The following PRDM14 variants were observed in gnomAD, a reference collection of about 807,000 sequenced individuals.
PRDM14 encodes the protein PR/SET domain 14, also known as PR domain zinc finger protein 14.
A neutral mutation model predicts 48.0 loss-of-function variants in PRDM14; 16 were observed. That is an observed-to-expected ratio of 0.33 (90% CI 0.23 to 0.51). The LOEUF is 0.51. Among genes scored for constraint, PRDM14 ranks in the 20% least tolerant of loss-of-function variants. The pLI, the probability that PRDM14 is intolerant of heterozygous loss-of-function variation, is 0.97. For synonymous variants in PRDM14, 264 were observed against 276.6 expected (o/e 0.95, Z 0.45); for missense variants, 566 against 719.6 (o/e 0.79, Z 2.44).
At chr8:70,064,295 G>T (rs1489001714) in intron 5 of PRDM14, among the ~76,000 whole-genome samples, 1 of 151,532 alleles carries the variant, frequency 6.6e-6, no homozygotes, top group Non-Finnish European at 1.5e-5. Flanking sequence ...ACATTTCCTT[G>T]CCTTCTGCTT....
Position 70,069,199 on chromosome 8 carries a change from T to C in PRDM14, c.662A>G (p.His221Arg). 6.6e-7 allele frequency: 1 copy of C among 1,524,816 alleles called. No individual in the cohort carries two copies. Among genetic ancestry groups the C allele is most frequent in the Non-Finnish European group, 8.8e-7 (1 of 1,136,690 alleles). The allele number at this position is 1,524,816 out of a possible 1,614,324, so 94.5% of individuals were successfully genotyped here. The change falls in exon 2 of 8, where the codon CAT becomes CGT. Residue 221 changes from histidine (H) to arginine (R), a missense_variant. His to Arg is a conservative substitution (Grantham distance 29). Coordinates refer to ENST00000276594, the MANE Select transcript of PRDM14 (RefSeq NM_024504.4). ...PSLEHPASLH[H>R]AISGLLVPPD... Reference sequence around the variant, plus strand: ...GGGGACCAGGAGGCCTGAAATCGCATGGTGCAGGCTGGCTGGGTGCTCCAG... The same window carrying C: ...GGGGACCAGGAGGCCTGAAATCGCACGGTGCAGGCTGGCTGGGTGCTCCAG...
At chr8:70,067,492 T>C (rs778720046) in intron 4 of PRDM14, among the ~76,000 whole-genome samples, 1 of 142,728 alleles carries the variant, frequency 7.0e-6, no homozygotes, top group Non-Finnish European at 1.5e-5. Context: ...CACTCCAACC[T>C]GGGTAACAGA....
chr8:70,069,921 G>T, intron 1 of PRDM14, 37 bp from the exon 2 acceptor site: 1 of 1,333,350 alleles, frequency 7.5e-7, no homozygotes. Context: ...ACACCGCGCG[G>T]GAGCTTCCCG....
intron 4 of PRDM14, 119 bp downstream of exon 4, chr8:70,068,111 T>G: frequency 1.8e-6 from 2 of 1,129,092 alleles, no homozygotes; most frequent in Non-Finnish European, 2.6e-6. Flanking sequence ...ACCACAGATA[T>G]CTGCCCTGGA....
In PRDM14 at chr8:70,064,949, C is replaced by T. The variant is rs572920738; in HGVS notation, c.1183+1286G>A. Reference sequence around the variant, plus strand: ...TTGCCCAGGCTGGAGTGCAGTGGTGCGGTCTTGGCATATTGCAACCTCTGT... The same window carrying T: ...TTGCCCAGGCTGGAGTGCAGTGGTGTGGTCTTGGCATATTGCAACCTCTGT... On this transcript the variant is annotated intron_variant, in intron 5 of 7. Transcript: ENST00000276594. Among the ~76,000 whole-genome samples, 243 of 150,174 alleles carry T rather than the reference C, an allele frequency of 1.6e-3. 2 individuals are homozygous for T. Among genetic ancestry groups the T allele is most frequent in the African/African-American group, 5.4e-3 (221 of 40,762 alleles).
intron 5 of PRDM14, among the ~76,000 whole-genome samples, chr8:70,062,159 T>C (rs963578520): frequency 3.3e-5 from 5 of 152,236 alleles, no homozygotes; most frequent in African/African-American, 1.2e-4. Context: ...ATATATGTCC[T>C]CATAATAATG....
intron 7 of PRDM14, among the ~76,000 whole-genome samples, chr8:70,053,899 C>T (rs528297230): frequency 3.7e-4 from 57 of 152,306 alleles, no homozygotes; most frequent in Non-Finnish European, 6.5e-4. Flanking sequence ...TGCTTTCCAA[C>T]AGGACTTGCT....
At chr8:70,058,388 G>A (rs991551242) in intron 6 of PRDM14, among the ~76,000 whole-genome samples, 4 of 152,124 alleles carry the variant, frequency 2.6e-5, no homozygotes, top group East Asian at 1.9e-4. Context: ...CATAATCCAC[G>A]TGTCCAGGTG....
chr8:70,055,846 G>T (rs994536718), intron 6 of PRDM14, among the ~76,000 whole-genome samples: 1 of 152,102 alleles, frequency 6.6e-6, no homozygotes, highest in Non-Finnish European at 1.5e-5. Flanking sequence ...AACTGAACAG[G>T]TTTGTGGTAT....
intron 5 of PRDM14, among the ~76,000 whole-genome samples, chr8:70,065,813 TG>T (rs1805658615): frequency 6.6e-6 from 1 of 152,026 alleles, no homozygotes; most frequent in South Asian, 2.1e-4. Flanking sequence ...ACCACTAAAT[TG>T]ATTTCCCACC....
intron 5 of PRDM14, among the ~76,000 whole-genome samples, chr8:70,061,490 C>A (rs955035969): frequency 7.9e-5 from 12 of 152,166 alleles, no homozygotes; most frequent in African/African-American, 2.7e-4. Flanking sequence ...ACTGCCAGCC[C>A]CAAGCTGATC....
chr8:70,054,021 C>G (rs1439717965), intron 7 of PRDM14, among the ~76,000 whole-genome samples: 3 of 152,206 alleles, frequency 2.0e-5, no homozygotes, highest in African/African-American at 7.2e-5. Flanking sequence ...CGGAATTTTT[C>G]AACTTTACTT....
In PRDM14 at chr8:70,051,916, C is replaced by T. The variant is rs1449274360; in HGVS notation, c.*161G>A. The stretch of plus-strand genomic sequence containing the variant: ...CCTCCTGAGTGGCTGGAACCACAGG[C>T]ATGTGCCACCACCCCCAGCTGATTT... On this transcript the variant is annotated 3_prime_UTR_variant, in exon 8 of 8. Coordinates refer to ENST00000276594, the MANE Select transcript of PRDM14 (RefSeq NM_024504.4). 2 of 564,166 alleles carry T rather than the reference C, an allele frequency of 3.5e-6. No individual in the cohort carries two copies. Among genetic ancestry groups the T allele is most frequent in the African/African-American group, 1.9e-5 (1 of 53,328 alleles). 34.9% of individuals were successfully genotyped at this position (564,166 alleles called of 1,614,324 possible).
chr8:70,069,394 T>A lies in PRDM14; in HGVS notation c.467A>T (p.Asp156Val), dbSNP rs1296687636. Residue 156 changes from aspartate to valine, a missense_variant, in exon 2 of 8, where the codon GAT becomes GTT. Around this residue, in one of 3 missense-constraint regions of PRDM14, gnomAD observed 410 missense variants for 424.6 expected, o/e 0.97. Coordinates refer to ENST00000276594, the MANE Select transcript of PRDM14 (RefSeq NM_024504.4). ...PDTLIPPPPA[D>V]ASLLPEGLRT... ...CAGCCCCTCAGGTAACAGAGAAGCA[T>A]CCGCAGGGGGCGGTGGAATTAAAGT... The A allele has an allele frequency of 6.2e-7, 1 of 1,610,078 alleles. No homozygotes were observed. The highest frequency in any genetic ancestry group is 8.5e-7 in the Non-Finnish European group (1 of 1,178,052).
At chr8:70,061,274 C>T (rs1185550780) in intron 5 of PRDM14, among the ~76,000 whole-genome samples, 4 of 152,128 alleles carry the variant, frequency 2.6e-5, no homozygotes, top group Non-Finnish European at 5.9e-5. Context: ...ATGAATGCAC[C>T]ACAGAGATCT....
chr8:70,063,053 A>C (rs1805611869), intron 5 of PRDM14, among the ~76,000 whole-genome samples: 1 of 152,318 alleles, frequency 6.6e-6, no homozygotes, highest in East Asian at 1.9e-4. Flanking sequence ...CTTTTGGACT[A>C]TTTCTCGATA....
At chr8:70,054,559 A>C (rs2131034348) in intron 7 of PRDM14, among the ~76,000 whole-genome samples, 1 of 134,196 alleles carries the variant, frequency 7.5e-6, no homozygotes, top group African/African-American at 2.9e-5. Context: ...TCACTTTGCC[A>C]CTCAGGCTGG....
rs78552282 is a variant in PRDM14, at chr8:70,066,542, C to T, written c.913-37G>A. 4,719 of 1,546,306 alleles carry T rather than the reference C, an allele frequency of 3.1e-3. 97 individuals are homozygous for T. In the African/African-American group the frequency reaches 0.046, roughly 15 times the overall value. ...AAGACATGAAGTTTGTATTGTACTT[C>T]TTTTTTGGTCTAATCTATAAAATAA... On this transcript the variant is annotated intron_variant, in intron 4 of 7. Coordinates refer to ENST00000276594, the MANE Select transcript of PRDM14 (RefSeq NM_024504.4).
intron 5 of PRDM14, 90 bp downstream of exon 5, chr8:70,066,145 G>C: frequency 7.2e-7 from 1 of 1,394,188 alleles, no homozygotes. Context: ...GCCTTTAGGA[G>C]GGAGGAGCTG....
Sources: allele counts gnomAD v4.1 joint callset (sites outside exome capture counted in the v4.1 genomes callset), GRCh38; gene constraint gnomAD v4.1.1; regional missense constraint gnomAD v4.1.1; transcripts MANE v1.5; gene names NCBI Gene and HGNC (gene_info 2026-07-23, HGNC 2026-07-21).